The following SH3RF1 variants were observed in gnomAD, a reference collection of about 807,000 sequenced individuals.
The protein encoded by SH3RF1 is SH3 domain containing ring finger 1, also known as E3 ubiquitin-protein ligase SH3RF1.
SH3RF1 carries 32 observed loss-of-function variants against 74.0 expected under a neutral mutation model. The observed-to-expected ratio is 0.43, with a 90% CI of 0.33 to 0.58. The LOEUF (loss-of-function observed/expected upper bound fraction) is 0.58, where lower values mean the gene tolerates loss of function less well. SH3RF1 is among the 20% of genes least tolerant of loss of function. The pLI is 0.05. For synonymous variants in SH3RF1, 396 were observed against 439.6 expected, an observed-to-expected ratio of 0.90 and a Z score of 1.24; for missense variants, 954 against 1,130.9, an observed-to-expected ratio of 0.84 and a Z score of 2.24.
At chr4:169,256,818 G>A (rs1046714577) in intron 2 of SH3RF1, among the ~76,000 whole-genome samples, 7 of 152,140 alleles carry the variant, frequency 4.6e-5, no homozygotes, top group Admixed American at 3.3e-4. Flanking sequence ...GCTCAGGCTG[G>A]TCTCAAACTC....
intron 5 of SH3RF1, 53 bp downstream of exon 5, chr4:169,136,265 T>C (rs1176729280): frequency 4.4e-6 from 6 of 1,349,652 alleles, no homozygotes; most frequent in African/African-American, 1.5e-5. Flanking sequence ...TGTTTGTAAG[T>C]TGATCCTTTT....
chr4:169,262,288 A>G lies in SH3RF1; in HGVS notation c.393+6532T>C, dbSNP rs141168712. Among the ~76,000 whole-genome samples the G allele has an allele frequency of 3.7e-4, 56 of 152,308 alleles. No individual in the cohort carries two copies. In the East Asian group the frequency reaches 0.01, roughly 27 times the overall value. Reference sequence around the variant, plus strand: ...CAAGTATATACACACTTAATAACATATTCTTCTATATGGTTGAATTTTTTT... The same window carrying G: ...CAAGTATATACACACTTAATAACATGTTCTTCTATATGGTTGAATTTTTTT... On this transcript the variant is annotated intron_variant, in intron 2 of 11. Transcript: ENST00000284637.
intron 2 of SH3RF1, among the ~76,000 whole-genome samples, chr4:169,208,428 A>T (rs1738846807): frequency 6.6e-6 from 1 of 152,198 alleles, no homozygotes; most frequent in Admixed American, 6.5e-5. Flanking sequence ...AAAAGATGAA[A>T]ATTAAGTCCT....
chr4:169,103,539 T>C (rs535865232), intron 11 of SH3RF1, among the ~76,000 whole-genome samples: 5 of 152,348 alleles, frequency 3.3e-5, no homozygotes, highest in African/African-American at 9.6e-5. Context: ...ATTTTCAGCA[T>C]TGAGCACTTT....
chr4:169,162,975 A>T (rs149480392), intron 2 of SH3RF1, among the ~76,000 whole-genome samples: 1 of 152,018 alleles, frequency 6.6e-6, no homozygotes, highest in East Asian at 1.9e-4. Flanking sequence ...CTGCAATCCA[A>T]TCCACCATCG....
chr4:169,144,123 C>A (rs1733831759), intron 4 of SH3RF1, among the ~76,000 whole-genome samples: 1 of 152,176 alleles, frequency 6.6e-6, no homozygotes, highest in Non-Finnish European at 1.5e-5. Context: ...ATTTTACACA[C>A]CCCAGGTAGA....
Position 169,156,629 on chromosome 4 carries a change from T to C in SH3RF1, c.444A>G (p.Lys148=), listed in dbSNP as rs1734060035. The C allele has an allele frequency of 1.2e-6, 2 of 1,613,786 alleles. No homozygotes were observed. Among genetic ancestry groups the C allele is most frequent in the Admixed American group, 3.3e-5 (2 of 59,984 alleles). Residue 148 remains lysine (K), a synonymous_variant, in exon 3 of 12, where the codon AAA becomes AAG. Transcript: ENST00000284637. ...TGCTGAATTTAAGGTCTCCAGGCTC[T>C]TTTCCTTCATAGTTGTATAATGCTT... The part of the protein sequence containing the change: ...CAKALYNYEG[K]EPGDLKFSKG...
chr4:169,169,047 C>T (rs951217189), intron 2 of SH3RF1, among the ~76,000 whole-genome samples: 2 of 152,154 alleles, frequency 1.3e-5, no homozygotes, highest in African/African-American at 2.4e-5. Flanking sequence ...TGTGGTCAAA[C>T]CAAGCTGCCT....
At chr4:169,117,009 T>C (rs1481904071) in intron 9 of SH3RF1, among the ~76,000 whole-genome samples, 1 of 152,200 alleles carries the variant, frequency 6.6e-6, no homozygotes, top group East Asian at 1.9e-4. Flanking sequence ...TTATGAATCA[T>C]TTTCCTTTTT....
At chr4:169,258,995 C>T (rs888414783) in intron 2 of SH3RF1, among the ~76,000 whole-genome samples, 2 of 151,966 alleles carry the variant, frequency 1.3e-5, no homozygotes, top group South Asian at 2.1e-4. Flanking sequence ...TACATTGCTA[C>T]GGTATTATTT....
At chr4:169,259,581 T>C (rs555272974) in intron 2 of SH3RF1, among the ~76,000 whole-genome samples, 1 of 152,332 alleles carries the variant, frequency 6.6e-6, no homozygotes, top group East Asian at 1.9e-4. Context: ...TTTTTCTTTT[T>C]AAGGTTACTA....
intron 2 of SH3RF1, among the ~76,000 whole-genome samples, chr4:169,245,862 A>G (rs952366901): frequency 6.6e-6 from 1 of 152,226 alleles, no homozygotes; most frequent in African/African-American, 2.4e-5. Flanking sequence ...ACCACCTTCA[A>G]TAGATTCTTC....
chr4:169,241,978 T>C (rs1055600339), intron 2 of SH3RF1, among the ~76,000 whole-genome samples: 1 of 152,146 alleles, frequency 6.6e-6, no homozygotes, highest in African/African-American at 2.4e-5. Flanking sequence ...CACTTGAGAG[T>C]TTTATTCAGA....
intron 2 of SH3RF1, chr4:169,166,526 A>G (rs1734247985): frequency 1.6e-5 from 3 of 192,778 alleles, no homozygotes; most frequent in Non-Finnish European, 1.1e-5. Context: ...GAAAAAGGAG[A>G]AAGTTCTTGC....
chr4:169,220,366 T>G (rs1730546120), intron 2 of SH3RF1: 1 of 152,234 alleles, frequency 6.6e-6, no homozygotes, highest in South Asian at 2.1e-4. Context: ...CTTCGCAAGT[T>G]CTGTGATTAA....
intron 2 of SH3RF1, among the ~76,000 whole-genome samples, chr4:169,221,357 C>A (rs1161611316): frequency 3.9e-5 from 6 of 152,086 alleles, no homozygotes; most frequent in African/African-American, 1.4e-4. Flanking sequence ...GACGATCAAC[C>A]AGCTGAGTCC....
intron 2 of SH3RF1, among the ~76,000 whole-genome samples, chr4:169,215,871 A>G (rs927325322): frequency 1.3e-5 from 2 of 151,852 alleles, no homozygotes; most frequent in Non-Finnish European, 2.9e-5. Flanking sequence ...TGGTGCAATC[A>G]TGGCTCACTG....
intron 6 of SH3RF1, among the ~76,000 whole-genome samples, chr4:169,125,664 C>T (rs985787841): frequency 1.3e-5 from 2 of 152,190 alleles, no homozygotes; most frequent in Non-Finnish European, 2.9e-5. Flanking sequence ...GCAAGATAGA[C>T]TAAGCCTTTC....
chr4:169,146,658 A>G (rs1403689042), intron 4 of SH3RF1, among the ~76,000 whole-genome samples: 1 of 152,216 alleles, frequency 6.6e-6, no homozygotes, highest in Non-Finnish European at 1.5e-5. Flanking sequence ...ACCAGAGGCT[A>G]ACACTAACTG....
Sources: allele counts gnomAD v4.1 joint callset (sites outside exome capture counted in the v4.1 genomes callset), GRCh38; gene constraint gnomAD v4.1.1; transcripts MANE v1.5; gene names NCBI Gene and HGNC (gene_info 2026-07-23, HGNC 2026-07-21).